Variants in C16orf89 observed in about 807,000 individuals in gnomAD.
C16orf89 encodes chromosome 16 open reading frame 89, also known as UPF0764 protein C16orf89.
A neutral mutation model predicts 41.5 loss-of-function variants in C16orf89; 57 were observed. The observed-to-expected ratio is 1.38, with a 90% CI of 1.11 to 1.71. C16orf89 has a LOEUF of 1.71. Ranked by LOEUF, C16orf89 falls within the 40% of genes most tolerant of loss-of-function variation. C16orf89 has a pLI of 0.00. For missense variants in C16orf89, 575 were observed against 445.9 expected (o/e 1.29, Z -2.61); for synonymous variants, 223 against 190.6 (o/e 1.17, Z -1.40).
intron 4 of C16orf89, among the ~76,000 whole-genome samples, chr16:5,056,573 G>A (rs963673099): frequency 3.9e-5 from 6 of 152,040 alleles, no homozygotes; most frequent in African/African-American, 7.2e-5. Context: ...GACCGATCGC[G>A]GGGGCAATGC....
intron 1 of C16orf89, 62 bp downstream of exon 1, chr16:5,065,639 C>T (rs1956724536): frequency 4.6e-6 from 7 of 1,517,396 alleles, no homozygotes; most frequent in Non-Finnish European, 6.3e-6. Flanking sequence ...CAGAGCAGGG[C>T]AGGGGACAAA....
At chr16:5,046,942 A>G (rs1956309062) in intron 7 of C16orf89, among the ~76,000 whole-genome samples, 2 of 152,214 alleles carry the variant, frequency 1.3e-5, no homozygotes, top group Non-Finnish European at 2.9e-5. Flanking sequence ...CTCTGGGAGC[A>G]CTGGGCTGTG....
intron 6 of C16orf89, 42 bp downstream of exon 6, chr16:5,055,204 C>T (rs752284536): frequency 4.0e-6 from 6 of 1,502,476 alleles, no homozygotes; most frequent in African/African-American, 2.8e-5. Flanking sequence ...CACCCCCACC[C>T]CCACTGCCCC....
At chr16:5,046,741 C>T (rs1233518255) in intron 7 of C16orf89, among the ~76,000 whole-genome samples, 1 of 152,136 alleles carries the variant, frequency 6.6e-6, no homozygotes, top group Non-Finnish European at 1.5e-5. Flanking sequence ...TCCCTTTCTT[C>T]TACGTTATTT....
At chr16:5,065,475 T>G (rs916019707) in intron 1 of C16orf89, among the ~76,000 whole-genome samples, 3 of 152,148 alleles carry the variant, frequency 2.0e-5, no homozygotes, top group Non-Finnish European at 2.9e-5. Context: ...CCAAATCCCT[T>G]CCCATGTTGC....
At chr16:5,055,991 GTGTGTGTGT>G in intron 5 of C16orf89, 53 bp downstream of exon 5, 3 of 1,038,852 alleles carry the variant, frequency 2.9e-6, no homozygotes, top group Non-Finnish European at 4.2e-6. Context: ...GTGTGTGTGT[GTGTGTGTGT>G]TGGTGGGGGG....
chr16:5,060,580 T>C (rs1429409292), intron 2 of C16orf89, 144 bp from the exon 3 acceptor site: 3 of 852,032 alleles, frequency 3.5e-6, no homozygotes, highest in Non-Finnish European at 5.1e-6. Flanking sequence ...TGGTCCCAGA[T>C]TGGGTTTGAA....
intron 7 of C16orf89, among the ~76,000 whole-genome samples, chr16:5,047,628 C>T (rs1210062924): frequency 6.6e-6 from 1 of 152,072 alleles, no homozygotes; most frequent in Non-Finnish European, 1.5e-5. Flanking sequence ...CCACCATGCC[C>T]AGCTAAGTTT....
At position 5,044,326 on chromosome 16, in the gene C16orf89, A is replaced by G; in HGVS notation, c.*22T>C. ...AAAGGGGTCTGTTCCTCCTCCAGGC[A>G]GCTGGCATGGAACCGTCCGTCTCAG... On this transcript the variant is annotated 3_prime_UTR_variant, in exon 8 of 8. Coordinates refer to ENST00000472572, the MANE Select transcript of C16orf89 (RefSeq NM_001098514.3). 6.3e-7 allele frequency: 1 copy of G among 1,580,304 alleles called. No individual in the cohort carries two copies. The highest frequency in any genetic ancestry group is 8.6e-7 in the Non-Finnish European group (1 of 1,164,754).
rs914517112 is a variant in C16orf89, at chr16:5,060,496, A to T, written c.359-60T>A. The T allele has an allele frequency of 1.3e-5, 20 of 1,516,452 alleles. No homozygotes were observed. In the African/African-American group the frequency reaches 2.7e-4, roughly 21 times the overall value. 93.9% of individuals were successfully genotyped at this position (1,516,452 alleles called of 1,614,324 possible). A position where few individuals can be genotyped will look rare whatever the true frequency, so the allele number is the denominator to read the frequency against. ...GGGGGTGACCCAGGAGCAGTGGGCC[A>T]CCCTGGTGTCCCCACCTCCTCCTGC... is the stretch of plus-strand genomic sequence containing the variant. On this transcript the variant is annotated intron_variant, in intron 2 of 7. Coordinates refer to ENST00000472572, the MANE Select transcript of C16orf89 (RefSeq NM_001098514.3).
chr16:5,056,210 G>C lies in C16orf89; in HGVS notation c.628-22C>G, dbSNP rs375120915. The C allele has an allele frequency of 4.0e-5, 63 of 1,576,494 alleles. No individual in the cohort carries two copies. In the African/African-American group the frequency reaches 4.4e-4, roughly 11 times the overall value. ...CCCTCTGGGGAGACAAACACCCAAA[G>C]ACAAGGGAGTCAGTGGTACAGATGA... is the stretch of plus-strand genomic sequence containing the variant. On this transcript the variant is annotated intron_variant, in intron 4 of 7. Transcript: ENST00000472572.
At chr16:5,055,414 AG>A in intron 5 of C16orf89, 64 bp from the exon 6 acceptor site, 1 of 1,414,160 alleles carries the variant, frequency 7.1e-7, no homozygotes, top group Non-Finnish European at 9.8e-7. Flanking sequence ...CCCACTCCCC[AG>A]GGCTGCCACG....
intron 4 of C16orf89, among the ~76,000 whole-genome samples, chr16:5,057,735 G>A (rs1422673240): frequency 1.3e-5 from 2 of 151,718 alleles, no homozygotes; most frequent in African/African-American, 4.8e-5. Flanking sequence ...TACCATGTTG[G>A]CCAGGCTGGT....
intron 6 of C16orf89, among the ~76,000 whole-genome samples, chr16:5,048,374 C>T (rs1956339705): frequency 6.6e-6 from 1 of 152,106 alleles, no homozygotes; most frequent in South Asian, 2.1e-4. Flanking sequence ...AACCTCCTGC[C>T]CCCATAACAT....
At chr16:5,053,305 G>A (rs1956431384) in intron 6 of C16orf89, among the ~76,000 whole-genome samples, 1 of 152,012 alleles carries the variant, frequency 6.6e-6, no homozygotes, top group African/African-American at 2.4e-5. Flanking sequence ...GGGAGGCGGA[G>A]GTTGCATTGA....
intron 6 of C16orf89, among the ~76,000 whole-genome samples, chr16:5,052,556 A>C (rs1286407757): frequency 6.6e-6 from 1 of 152,066 alleles, no homozygotes; most frequent in East Asian, 1.9e-4. Context: ...GCACCACTGC[A>C]CTCCAGCCTG....
In C16orf89 at chr16:5,044,482, G is replaced by A. The variant is rs183176637; in HGVS notation, c.956-4C>T. 9.3e-4 allele frequency: 1,494 copies of A among 1,612,312 alleles called. 13 individuals carry two copies. The African/African-American group carries it at 0.018, about 19-fold the overall frequency. On this transcript the variant is annotated splice_polypyrimidine_tract_variant and splice_region_variant and intron_variant, in intron 7 of 7. Coordinates refer to ENST00000472572, the MANE Select transcript of C16orf89 (RefSeq NM_001098514.3). ...GTGTTGTGGGAGGAGCAGCCATCTA[G>A]GGGAGAGAGCCCCCATGAGTGCTGG...
At position 5,044,194 on chromosome 16, in the gene C16orf89, C is replaced by A; in HGVS notation, c.*154G>T. On this transcript the variant is annotated 3_prime_UTR_variant, in exon 8 of 8. Coordinates refer to ENST00000472572, the MANE Select transcript of C16orf89 (RefSeq NM_001098514.3). ...CGGCCCCCACCTACCCTGGCCTTGC[C>A]TACTCAGGGCTTCCAAGATTGGGTG... 7.2e-7 allele frequency: 1 copy of A among 1,392,796 alleles called. No individual in the cohort carries two copies. The highest frequency in any genetic ancestry group is 9.3e-7 in the Non-Finnish European group (1 of 1,077,736). The allele number at this position is 1,392,796 out of a possible 1,614,324, so 86.3% of individuals were successfully genotyped here. A position where few individuals can be genotyped will look rare whatever the true frequency, so the allele number is the denominator to read the frequency against.
intron 5 of C16orf89, 119 bp from the exon 6 acceptor site, chr16:5,055,469 G>A (rs779961861): frequency 1.9e-6 from 2 of 1,046,406 alleles, no homozygotes; most frequent in Non-Finnish European, 2.8e-6. Flanking sequence ...TAGGAGGTGG[G>A]CGTTCAATGC....
Sources: allele counts gnomAD v4.1 joint callset (sites outside exome capture counted in the v4.1 genomes callset), GRCh38; gene constraint gnomAD v4.1.1; transcripts MANE v1.5; gene names NCBI Gene and HGNC (gene_info 2026-07-23, HGNC 2026-07-21).